TMEM45A: variants seen among roughly 807,000 people sequenced by gnomAD.
The protein encoded by TMEM45A is DNA polymerase-transactivated protein 4.
A neutral mutation model predicts 32.0 loss-of-function variants in TMEM45A; 25 were observed. That is an observed-to-expected ratio of 0.78 (90% CI 0.57 to 1.09). TMEM45A has a LOEUF of 1.09. Ranked by LOEUF, TMEM45A falls within the 50% of genes least tolerant of loss-of-function variation. The pLI, the probability that TMEM45A is intolerant of heterozygous loss-of-function variation, is 0.00. For synonymous variants in TMEM45A, 122 were observed against 114.8 expected (o/e 1.06, Z -0.40); for missense variants, 302 against 325.0 (o/e 0.93, Z 0.54).
In TMEM45A at chr3:100,577,122, C is replaced by A; in HGVS notation, c.*104C>A. On this transcript the variant is annotated 3_prime_UTR_variant, in exon 6 of 6. Transcript: ENST00000323523. Reference sequence around the variant, plus strand: ...TTGGAGAACAGCTGGCTAAGGATGACTCTAAGTGTACTGTTTGCATTTCCA... The same window carrying A: ...TTGGAGAACAGCTGGCTAAGGATGAATCTAAGTGTACTGTTTGCATTTCCA... The A allele has an allele frequency of 1.2e-6, 1 of 856,530 alleles. No individual in the cohort carries two copies. The allele number at this position is 856,530 out of a possible 1,614,324, so 53.1% of individuals were successfully genotyped here.
chr3:100,566,623 T>C (rs1306088044), intron 4 of TMEM45A, among the ~76,000 whole-genome samples: 1 of 152,172 alleles, frequency 6.6e-6, no homozygotes, highest in Non-Finnish European at 1.5e-5. Flanking sequence ...CCATCAGCAA[T>C]ATATAAGGAT....
intron 4 of TMEM45A, among the ~76,000 whole-genome samples, chr3:100,566,953 TAGTGTCCTTTGA>T (rs1706453884): frequency 6.6e-6 from 1 of 152,162 alleles, no homozygotes. Context: ...ATTTTCTTAA[TAGTGTCCTTTGA>T]AGCACAAAAG....
intron 1 of TMEM45A, among the ~76,000 whole-genome samples, chr3:100,499,803 G>A (rs1707985474): frequency 1.3e-5 from 2 of 152,216 alleles, no homozygotes; most frequent in Non-Finnish European, 2.9e-5. Flanking sequence ...TTGAGCCTGG[G>A]AGGTGGAGGC....
intron 1 of TMEM45A, among the ~76,000 whole-genome samples, chr3:100,493,419 G>A (rs1356227816): frequency 6.6e-6 from 1 of 151,802 alleles, no homozygotes; most frequent in Admixed American, 6.6e-5. Flanking sequence ...GGGTTATGCA[G>A]GTAGTTGCTG....
At chr3:100,535,032 T>C (rs1705717540) in intron 1 of TMEM45A, among the ~76,000 whole-genome samples, 2 of 152,226 alleles carry the variant, frequency 1.3e-5, no homozygotes, top group African/African-American at 4.8e-5. Context: ...TATCATGTTG[T>C]CCTGGGTTAT....
rs540943017 is a variant in TMEM45A, at chr3:100,523,715, C to T, written c.-4+30787C>T. Among the ~76,000 whole-genome samples the T allele has an allele frequency of 2.0e-5, 3 of 147,682 alleles. No individual in the cohort carries two copies. In the East Asian group the frequency reaches 5.9e-4, roughly 29 times the overall value. On this transcript the variant is annotated intron_variant, in intron 1 of 5. Transcript: ENST00000323523. ...CTTCTCCTTCTCCTCCTCCTCCTTT[C>T]TCCTCCTTCTCCTCCTCCTTTCTCC... is the stretch of plus-strand genomic sequence containing the variant.
chr3:100,557,090 T>G (rs1706237200), intron 3 of TMEM45A, 118 bp downstream of exon 3: 2 of 1,119,486 alleles, frequency 1.8e-6, no homozygotes, highest in African/African-American at 3.1e-5. Flanking sequence ...ACCATATATC[T>G]GGGCCATAAT....
At chr3:100,536,438 A>G (rs6799992) in intron 1 of TMEM45A, among the ~76,000 whole-genome samples, 54,886 of 152,110 alleles carry the variant, frequency 0.36, 10,689 homozygotes, top group Middle Eastern at 0.47. Flanking sequence ...GTCTTCCTAC[A>G]CTAAAAGATA....
At chr3:100,532,359 C>G (rs1705662261) in intron 1 of TMEM45A, among the ~76,000 whole-genome samples, 1 of 152,166 alleles carries the variant, frequency 6.6e-6, no homozygotes, top group Non-Finnish European at 1.5e-5. Flanking sequence ...CTACACATTA[C>G]TGTAACAACT....
At chr3:100,534,215 A>G (rs577862398) in intron 1 of TMEM45A, among the ~76,000 whole-genome samples, 1 of 152,326 alleles carries the variant, frequency 6.6e-6, no homozygotes, top group Non-Finnish European at 1.5e-5. Context: ...GGGTTGTGAT[A>G]AGCTGAATAA....
intron 1 of TMEM45A, among the ~76,000 whole-genome samples, chr3:100,550,724 G>A (rs1237741641): frequency 6.6e-6 from 1 of 152,208 alleles, no homozygotes; most frequent in Admixed American, 6.5e-5. Context: ...ACCTGAGTTA[G>A]ATCTTGGGCT....
intron 1 of TMEM45A, among the ~76,000 whole-genome samples, chr3:100,514,415 C>A (rs1014576141): frequency 6.6e-6 from 1 of 152,064 alleles, no homozygotes; most frequent in African/African-American, 2.4e-5. Context: ...GGAAAACTGG[C>A]TAGCCATATG....
intron 1 of TMEM45A, among the ~76,000 whole-genome samples, chr3:100,542,323 T>C (rs1705899649): frequency 6.6e-6 from 1 of 152,232 alleles, no homozygotes; most frequent in South Asian, 2.1e-4. Flanking sequence ...TCATCTATGA[T>C]TTCATAGACA....
chr3:100,572,737 T>A (rs1295441694), intron 5 of TMEM45A: 4 of 151,790 alleles, frequency 2.6e-5, no homozygotes, highest in South Asian at 2.1e-4. Context: ...GTTTTAGGTC[T>A]AACATGTAAG....
Position 100,577,054 on chromosome 3 carries a change from T to C in TMEM45A, c.*36T>C. On this transcript the variant is annotated 3_prime_UTR_variant, in exon 6 of 6. Transcript: ENST00000323523. ...CTTCCAGTTTTTCTAGATAAACCTT[T>C]TCTTTTTTACATTGTTCTTGGTTTT... The C allele has an allele frequency of 6.5e-7, 1 of 1,540,136 alleles. No homozygotes were observed. The highest frequency in any genetic ancestry group is 8.9e-7 in the Non-Finnish European group (1 of 1,126,452).
intron 1 of TMEM45A, among the ~76,000 whole-genome samples, chr3:100,552,690 G>A (rs897978019): frequency 1.3e-5 from 2 of 152,192 alleles, no homozygotes; most frequent in Non-Finnish European, 2.9e-5. Flanking sequence ...TATTTTGAGT[G>A]TGAGTGGCCT....
chr3:100,542,441 CA>C (rs1381102721), intron 1 of TMEM45A, among the ~76,000 whole-genome samples: 1 of 152,070 alleles, frequency 6.6e-6, no homozygotes, highest in Non-Finnish European at 1.5e-5. Context: ...GCAACAAAAA[CA>C]AAAATCAATA....
intron 1 of TMEM45A, among the ~76,000 whole-genome samples, chr3:100,507,826 A>G (rs560826240): frequency 5.9e-5 from 9 of 152,048 alleles, no homozygotes; most frequent in African/African-American, 1.2e-4. Context: ...TGCCCTCTCT[A>G]TGTTTTCCAA....
chr3:100,549,766 T>G (rs1382074467), intron 1 of TMEM45A, among the ~76,000 whole-genome samples: 1 of 152,008 alleles, frequency 6.6e-6, no homozygotes, highest in African/African-American at 2.4e-5. Context: ...CCCCTTCCTG[T>G]GTCCATGTGA....
Sources: allele counts gnomAD v4.1 joint callset (sites outside exome capture counted in the v4.1 genomes callset), GRCh38; gene constraint gnomAD v4.1.1; transcripts MANE v1.5; gene names NCBI Gene and HGNC (gene_info 2026-07-23, HGNC 2026-07-21).